The following ITGA1 variants were observed in gnomAD, a reference collection of about 807,000 sequenced individuals.
ITGA1 encodes integrin alpha-1.
A neutral mutation model predicts 145.9 loss-of-function variants in ITGA1; 85 were observed. That is an observed-to-expected ratio of 0.58 (90% CI 0.49 to 0.70). The LOEUF (loss-of-function observed/expected upper bound fraction) is 0.70. Ranked by LOEUF, ITGA1 falls within the 30% of genes least tolerant of loss-of-function variation. The probability of loss-of-function intolerance (pLI) is 0.00; values close to 1 mark genes in which losing one functional copy is unlikely to be tolerated. For missense variants in ITGA1, 1,351 were observed against 1,418.7 expected (o/e 0.95, Z 0.77); for synonymous variants, 520 against 495.3 (o/e 1.05, Z -0.66).
intron 24 of ITGA1, 84 bp from the exon 25 acceptor site, chr5:52,939,506 C>G: frequency 1.1e-6 from 1 of 871,960 alleles, no homozygotes; most frequent in Non-Finnish European, 1.8e-6. Context: ...CTGTCATTCA[C>G]AGATTCTTTA....
At chr5:52,850,289 A>C (rs1749409758) in intron 2 of ITGA1, among the ~76,000 whole-genome samples, 1 of 152,162 alleles carries the variant, frequency 6.6e-6, no homozygotes, top group Non-Finnish European at 1.5e-5. Context: ...CGTGAGCCAT[A>C]GCACCTGGCC....
chr5:52,861,253 A>G (rs1426059409), intron 2 of ITGA1, among the ~76,000 whole-genome samples, 194 bp from the exon 3 acceptor site: 4 of 152,180 alleles, frequency 2.6e-5, no homozygotes, highest in Non-Finnish European at 4.4e-5. Context: ...GTGTGTGTAT[A>G]TATACTTTTT....
chr5:52,804,121 A>G (rs1394957202), intron 1 of ITGA1: 3 of 152,222 alleles, frequency 2.0e-5, no homozygotes, highest in Non-Finnish European at 4.4e-5. Flanking sequence ...CAAATTAAAA[A>G]TTCAGATAAT....
At chr5:52,912,711 AGTGTGTGTGTGT>A (rs67318879) in intron 14 of ITGA1, among the ~76,000 whole-genome samples, 2 of 132,370 alleles carry the variant, frequency 1.5e-5, no homozygotes, top group African/African-American at 5.8e-5. Flanking sequence ...CTATATATAT[AGTGTGTGTGTGT>A]GTGTGTGTGT....
At chr5:52,924,499 G>A (rs2047067) in intron 18 of ITGA1, among the ~76,000 whole-genome samples, 78,569 of 152,142 alleles carry the variant, frequency 0.52, 20,664 homozygotes, top group Non-Finnish European at 0.54. Flanking sequence ...AGGTGAGGCC[G>A]GAGGTAAAGG....
At chr5:52,876,579 T>C (rs1016801148) in intron 6 of ITGA1, among the ~76,000 whole-genome samples, 1 of 152,206 alleles carries the variant, frequency 6.6e-6, no homozygotes, top group African/African-American at 2.4e-5. Context: ...TTATCATTAT[T>C]TCCCTGCTAT....
Position 52,933,970 on chromosome 5 carries a change from G to A in ITGA1, c.2938G>A (p.Gly980Arg). 1 of 1,478,976 alleles carries A rather than the reference G, an allele frequency of 6.8e-7. No homozygotes were observed. Among genetic ancestry groups the A allele is most frequent in the Non-Finnish European group, 9.1e-7 (1 of 1,096,866 alleles). 91.6% of individuals were successfully genotyped at this position (1,478,976 alleles called of 1,614,324 possible). ...PEVINSTEDI[G>R]NEINIFYLIR... ...AGTTATTAATTCTACTGAGGACATT[G>A]GAAATGAAATTAATATCTTCTACTT... is the stretch of plus-strand genomic sequence containing the variant. The change falls in exon 23 of 29, where the codon GGA becomes AGA. Residue 980 changes from glycine to arginine, a missense_variant. Physicochemically the swap from Gly to Arg is moderately radical, Grantham distance 125. Coordinates refer to ENST00000282588, the MANE Select transcript of ITGA1 (RefSeq NM_181501.2).
At chr5:52,940,311 CAAAGG>C (rs72051473) in intron 26 of ITGA1, among the ~76,000 whole-genome samples, 12,623 of 151,932 alleles carry the variant, frequency 0.083, 1,144 homozygotes, top group African/African-American at 0.22. Flanking sequence ...ACCCCAGTAA[CAAAGG>C]AAAGAGCTAA....
At chr5:52,847,363 G>A (rs995921801) in intron 1 of ITGA1, among the ~76,000 whole-genome samples, 2 of 152,122 alleles carry the variant, frequency 1.3e-5, no homozygotes, top group African/African-American at 2.4e-5. Context: ...AGTTCATAGT[G>A]AGCAAGGGTT....
chr5:52,834,073 A>T (rs533109805), intron 1 of ITGA1, among the ~76,000 whole-genome samples: 3 of 152,324 alleles, frequency 2.0e-5, no homozygotes, highest in East Asian at 3.9e-4. Flanking sequence ...CACATAACAT[A>T]AGACAGTCCA....
intron 21 of ITGA1, chr5:52,931,407 T>G (rs557458712): frequency 6.6e-6 from 1 of 152,312 alleles, no homozygotes; most frequent in Admixed American, 6.5e-5. Context: ...TTATATCATT[T>G]GTATGTGTTT....
chr5:52,808,939 C>A (rs989770517), intron 1 of ITGA1, among the ~76,000 whole-genome samples: 7 of 151,804 alleles, frequency 4.6e-5, no homozygotes, highest in Non-Finnish European at 1.0e-4. Context: ...CTTTTTGTCA[C>A]CTATTCATAT....
chr5:52,907,704 A>G (rs1411521530), intron 12 of ITGA1, among the ~76,000 whole-genome samples: 4 of 152,208 alleles, frequency 2.6e-5, no homozygotes, highest in Non-Finnish European at 5.9e-5. Context: ...AGGTAAAGTC[A>G]ATGAGTAAAG....
At chr5:52,906,687 A>T (rs976761884) in intron 12 of ITGA1, among the ~76,000 whole-genome samples, 2 of 152,066 alleles carry the variant, frequency 1.3e-5, no homozygotes, top group Non-Finnish European at 2.9e-5. Context: ...TACAAGGAGG[A>T]TTTATTAACT....
At chr5:52,886,932 C>CTA in intron 7 of ITGA1, among the ~76,000 whole-genome samples, 1 of 152,168 alleles carries the variant, frequency 6.6e-6, no homozygotes, top group Non-Finnish European at 1.5e-5. Flanking sequence ...GCGCCCGCCA[C>CTA]CGCACCCGGC....
At chr5:52,811,871 G>A (rs1748688256) in intron 1 of ITGA1, among the ~76,000 whole-genome samples, 1 of 152,176 alleles carries the variant, frequency 6.6e-6, no homozygotes, top group South Asian at 2.1e-4. Flanking sequence ...TTTGGCTAGA[G>A]GTTTCTCAAA....
chr5:52,876,171 A>C (rs148574167), intron 6 of ITGA1, among the ~76,000 whole-genome samples: 18 of 152,256 alleles, frequency 1.2e-4, no homozygotes, highest in African/African-American at 3.9e-4. Context: ...TTTAATTCTC[A>C]TACTTTATTT....
chr5:52,800,971 A>C (rs771824545), intron 1 of ITGA1: 14 of 1,614,080 alleles, frequency 8.7e-6, no homozygotes, highest in Admixed American at 5.0e-5. Flanking sequence ...GGTCCAGGCT[A>C]TCCAGCGCCA....
intron 7 of ITGA1, among the ~76,000 whole-genome samples, chr5:52,886,044 A>C (rs918685319): frequency 6.6e-6 from 1 of 152,184 alleles, no homozygotes; most frequent in African/African-American, 2.4e-5. Flanking sequence ...ATCAGATACC[A>C]AGGATGAGGG....
Sources: allele counts gnomAD v4.1 joint callset (sites outside exome capture counted in the v4.1 genomes callset), GRCh38; gene constraint gnomAD v4.1.1; transcripts MANE v1.5; gene names NCBI Gene and HGNC (gene_info 2026-07-23, HGNC 2026-07-21).